The following SUGCT variants were observed in gnomAD, a reference collection of about 807,000 sequenced individuals.
SUGCT encodes succinyl-CoA:glutarate CoA-transferase.
Under a neutral mutation model 55.0 loss-of-function variants are expected in SUGCT, and 41 were observed. The ratio of observed to expected loss-of-function variants is 0.74; its 90% CI spans 0.58 to 0.97. SUGCT has a LOEUF of 0.97. Ranked by LOEUF, SUGCT falls within the 50% of genes least tolerant of loss-of-function variation. The pLI is 0.00. For synonymous variants in SUGCT, 187 were observed against 200.4 expected (o/e 0.93, Z 0.56); for missense variants, 568 against 547.8 (o/e 1.04, Z -0.37).
At chr7:40,496,800 A>G (rs1271349044) in intron 12 of SUGCT, among the ~76,000 whole-genome samples, 1 of 152,166 alleles carries the variant, frequency 6.6e-6, no homozygotes, top group Non-Finnish European at 1.5e-5. Flanking sequence ...TCATATGATT[A>G]TCTCTCTGAT....
chr7:41,014,319 A>T, the SUGCT span, among the ~76,000 whole-genome samples: 4 of 152,170 alleles, frequency 2.6e-5, no homozygotes, highest in African/African-American at 9.7e-5. Context: ...TTCCCATGAA[A>T]CTTTCAGTGA....
intron 10 of SUGCT, among the ~76,000 whole-genome samples, chr7:40,456,317 G>A (rs1789486132): frequency 6.6e-6 from 1 of 152,130 alleles, no homozygotes; most frequent in Admixed American, 6.5e-5. Context: ...ATGAGCCACC[G>A]CCCCTGGCTG....
At chr7:40,847,904 C>T (rs1793657400) in intron 13 of SUGCT, among the ~76,000 whole-genome samples, 2 of 152,142 alleles carry the variant, frequency 1.3e-5, no homozygotes, top group Admixed American at 1.3e-4. Context: ...ATGCCCTTTT[C>T]CAAATGAAGC....
intron 13 of SUGCT, among the ~76,000 whole-genome samples, chr7:40,752,010 A>G (rs556551817): frequency 2.0e-5 from 3 of 152,334 alleles, no homozygotes; most frequent in Admixed American, 1.3e-4. Flanking sequence ...TAATTTATCA[A>G]TGTATCAGGT....
intron 8 of SUGCT, among the ~76,000 whole-genome samples, chr7:40,291,310 G>T (rs1258489163): frequency 6.6e-6 from 1 of 151,546 alleles, no homozygotes; most frequent in Admixed American, 6.6e-5. Context: ...ATACACCATG[G>T]AATACTATGC....
chr7:40,918,913 G>A, the SUGCT span, among the ~76,000 whole-genome samples: 6 of 152,164 alleles, frequency 3.9e-5, no homozygotes, highest in African/African-American at 1.4e-4. Flanking sequence ...GAAGGATCTG[G>A]TATCTGTGGG....
intron 13 of SUGCT, among the ~76,000 whole-genome samples, chr7:40,834,446 C>A (rs1792858176): frequency 6.6e-6 from 1 of 152,126 alleles, no homozygotes; most frequent in African/African-American, 2.4e-5. Context: ...CACAACGTTT[C>A]AATTAGATGG....
At chr7:40,198,244 G>C (rs745373145) in intron 6 of SUGCT, among the ~76,000 whole-genome samples, 27 of 152,102 alleles carry the variant, frequency 1.8e-4, no homozygotes, top group Non-Finnish European at 5.9e-5. Flanking sequence ...CCAGACCTAA[G>C]GTCACACAGC....
chr7:40,194,375 C>G (rs1046393858), intron 5 of SUGCT, among the ~76,000 whole-genome samples: 1 of 152,132 alleles, frequency 6.6e-6, no homozygotes, highest in Non-Finnish European at 1.5e-5. Flanking sequence ...ATCCTCCCAC[C>G]TGAGCCTCCC....
intron 6 of SUGCT, among the ~76,000 whole-genome samples, chr7:40,219,052 A>T (rs768765171): frequency 6.6e-6 from 1 of 152,154 alleles, no homozygotes; most frequent in Non-Finnish European, 1.5e-5. Context: ...CTCACCACGA[A>T]GGTCTGCAGC....
At chr7:40,785,117 T>C (rs969637601) in intron 13 of SUGCT, 3 of 152,184 alleles carry the variant, frequency 2.0e-5, no homozygotes, top group Non-Finnish European at 2.9e-5. Context: ...ATTTTATCAA[T>C]GGAAAACAGC....
At chr7:40,652,204 C>T (rs1011763795) in intron 12 of SUGCT, among the ~76,000 whole-genome samples, 3 of 152,150 alleles carry the variant, frequency 2.0e-5, no homozygotes, top group African/African-American at 7.2e-5. Context: ...CAGTATTTTT[C>T]AGTAAATAAG....
chr7:40,842,589 G>A (rs1446102184), intron 13 of SUGCT, among the ~76,000 whole-genome samples: 1 of 151,968 alleles, frequency 6.6e-6, no homozygotes, highest in Non-Finnish European at 1.5e-5. Flanking sequence ...TCATTTATTT[G>A]TTCATTTAAC....
At chr7:40,611,053 T>C (rs1361537531) in intron 12 of SUGCT, among the ~76,000 whole-genome samples, 1 of 152,182 alleles carries the variant, frequency 6.6e-6, no homozygotes, top group African/African-American at 2.4e-5. Flanking sequence ...TGGTTCTGAC[T>C]CCAGGCCTTG....
At chr7:40,845,505 A>G (rs542286450) in intron 13 of SUGCT, among the ~76,000 whole-genome samples, 11 of 152,304 alleles carry the variant, frequency 7.2e-5, no homozygotes, top group Middle Eastern at 3.4e-3. Context: ...GACAGAAAAG[A>G]TCAGAAGTGT....
At chr7:40,434,271 C>T (rs1019584364) in intron 9 of SUGCT, among the ~76,000 whole-genome samples, 1 of 152,154 alleles carries the variant, frequency 6.6e-6, no homozygotes, top group African/African-American at 2.4e-5. Flanking sequence ...AAGGTATGTA[C>T]AGAATACTAT....
At chr7:40,767,517 G>A (rs1788867230) in intron 13 of SUGCT, among the ~76,000 whole-genome samples, 1 of 152,176 alleles carries the variant, frequency 6.6e-6, no homozygotes, top group South Asian at 2.1e-4. Context: ...GCCCATGGAT[G>A]TGAGAACTTG....
At chr7:40,390,500 C>G (rs1476382912) in intron 9 of SUGCT, among the ~76,000 whole-genome samples, 1 of 152,134 alleles carries the variant, frequency 6.6e-6, no homozygotes, top group East Asian at 1.9e-4. Flanking sequence ...AACAGACAAA[C>G]AGAGAGCCAA....
chr7:40,206,116 G>A (rs760056109), intron 6 of SUGCT, among the ~76,000 whole-genome samples: 47 of 152,104 alleles, frequency 3.1e-4, no homozygotes, highest in Admixed American at 9.8e-4. Context: ...TTTATAGATC[G>A]TGCCAGATAA....
Sources: allele counts gnomAD v4.1 joint callset (sites outside exome capture counted in the v4.1 genomes callset), GRCh38; gene constraint gnomAD v4.1.1; transcripts MANE v1.5; gene names NCBI Gene and HGNC (gene_info 2026-07-23, HGNC 2026-07-21).